VSIR: variants seen among roughly 807,000 people sequenced by gnomAD.
The protein encoded by VSIR is V-type immunoglobulin domain-containing suppressor of T-cell activation.
In VSIR, 10 loss-of-function variants were observed where a neutral mutation model predicts 31.0. The observed-to-expected ratio is 0.32, with a 90% CI of 0.20 to 0.55. VSIR has a LOEUF of 0.55. Ranked by LOEUF, VSIR falls within the 20% of genes least tolerant of loss-of-function variation. VSIR has a pLI of 0.93. For synonymous variants in VSIR, 179 were observed against 180.1 expected (o/e 0.99, Z 0.05); for missense variants, 356 against 416.2 (o/e 0.86, Z 1.26).
Position 71,751,892 on chromosome 10 carries a change from G to T in VSIR, c.705-31C>A. 6.5e-7 allele frequency: 1 copy of T among 1,542,848 alleles called. No individual in the cohort carries two copies. Among genetic ancestry groups the T allele is most frequent in the Non-Finnish European group, 8.8e-7 (1 of 1,142,026 alleles). On this transcript the variant is annotated intron_variant, in intron 5 of 6. Coordinates refer to ENST00000394957, the MANE Select transcript of VSIR (RefSeq NM_022153.2). The surrounding 1 kb of genome is among the most constrained non-coding windows in gnomAD (Gnocchi z 4.9). ...ACAGAACCAGAATGGAAGGTCATCT[G>T]TGCTGTCCGGAGCGTGAACTCTGCC...
intron 4 of VSIR, chr10:71,755,038 C>A (rs1323636685): frequency 3.9e-6 from 2 of 514,690 alleles, no homozygotes. Flanking sequence ...CCCCAAGGAT[C>A]TCTGAGTGGC....
chr10:71,772,992 A>G (rs926595681), intron 1 of VSIR, among the ~76,000 whole-genome samples: 9 of 152,222 alleles, frequency 5.9e-5, no homozygotes, highest in African/African-American at 2.2e-4. Flanking sequence ...GTCAAAAGCC[A>G]GTGATATCCA....
intron 3 of VSIR, among the ~76,000 whole-genome samples, chr10:71,758,209 A>G (rs1445014035): frequency 6.6e-6 from 1 of 152,132 alleles, no homozygotes; most frequent in East Asian, 1.9e-4. Flanking sequence ...TGGTTTGAAA[A>G]AAGGGTAGCT....
In VSIR at chr10:71,759,886, TATACACACACAC is replaced by T. The variant is rs369554648; in HGVS notation, c.568+970_568+981del. 2.2e-3 allele frequency among the ~76,000 whole-genome samples: 129 copies of T among 58,608 alleles called. 2 individuals are homozygous for T. Among genetic ancestry groups the T allele is most frequent in the East Asian group, 3.2e-3 (7 of 2,188 alleles). 38.4% of individuals were successfully genotyped at this position (58,608 alleles called of 152,430 possible). A position where few individuals can be genotyped will look rare whatever the true frequency, so the allele number is the denominator to read the frequency against. Reference sequence around the variant, plus strand: ...ACACATATATATACACACACACACATATACACACACACATATATACACACACACATATATACA... The same window carrying T: ...ACACATATATATACACACACACACATATATATACACACACACATATATACA... On this transcript the variant is annotated intron_variant, in intron 3 of 6. Transcript: ENST00000394957.
rs1355000801 is a variant in VSIR at position 71,760,108 on chromosome 10, T to C, written c.568+760A>G. 9.1e-5 allele frequency among the ~76,000 whole-genome samples: 11 copies of C among 120,250 alleles called. 3 individuals carry two copies. The highest frequency in any genetic ancestry group is 2.5e-4 in the African/African-American group (9 of 35,656). The allele number at this position is 120,250 out of a possible 152,430, so 78.9% of individuals were successfully genotyped here. A position where few individuals can be genotyped will look rare whatever the true frequency, so the allele number is the denominator to read the frequency against. The stretch of plus-strand genomic sequence containing the variant: ...ACACACATATACACACACACATACA[T>C]ACATATATGTGTGTATATATATGTA... On this transcript the variant is annotated intron_variant, in intron 3 of 6. Coordinates refer to ENST00000394957, the MANE Select transcript of VSIR (RefSeq NM_022153.2).
intron 1 of VSIR, among the ~76,000 whole-genome samples, chr10:71,773,126 C>G (rs1840725043): frequency 6.6e-6 from 1 of 152,232 alleles, no homozygotes; most frequent in Non-Finnish European, 1.5e-5. Flanking sequence ...CTGCCTGCCA[C>G]TTGGGCAGCT....
chr10:71,757,937 G>C (rs116520091), intron 3 of VSIR, among the ~76,000 whole-genome samples: 3,135 of 152,238 alleles, frequency 0.021, 122 homozygotes, highest in African/African-American at 0.071. Context: ...AGCTCCTTGG[G>C]CACCAACTTC....
At position 71,753,015 on chromosome 10, in the gene VSIR, A is replaced by T; in HGVS notation, c.677-13T>A. On this transcript the variant is annotated splice_polypyrimidine_tract_variant and intron_variant, in intron 4 of 6. Coordinates refer to ENST00000394957, the MANE Select transcript of VSIR (RefSeq NM_022153.2). The stretch of plus-strand genomic sequence containing the variant: ...AGCTCCTGGGCACCTAGGGACAGAC[A>T]GACAGAGAAGCTGGTCATGGAAGGG... 6.2e-7 allele frequency: 1 copy of T among 1,612,270 alleles called. No individual in the cohort carries two copies. The highest frequency in any genetic ancestry group is 8.5e-7 in the Non-Finnish European group (1 of 1,179,016).
intron 3 of VSIR, among the ~76,000 whole-genome samples, chr10:71,759,836 C>T (rs1840255661): frequency 1.4e-5 from 1 of 71,332 alleles, no homozygotes; most frequent in East Asian, 3.7e-4. Context: ...CACACACACA[C>T]ACACACACAC....
Position 71,760,898 on chromosome 10 carries a change from C to A in VSIR, c.538G>T (p.Val180Leu), listed in dbSNP as rs1158994709. Residue 180 changes from valine (V) to leucine (L), a missense_variant, in exon 3 of 7, where the codon GTG (valine) becomes TTG (leucine). This residue lies in a region of VSIR where 190 missense variants were observed against 185.2 expected (regional missense o/e 1.03). Coordinates refer to ENST00000394957, the MANE Select transcript of VSIR (RefSeq NM_022153.2). Reference protein sequence around the residue: ...TGKDAPSNCVVYPSSSQDSEN... With the variant: ...TGKDAPSNCVLYPSSSQDSEN... The stretch of plus-strand genomic sequence containing the variant: ...CTATCCTGGGAGGAGGATGGGTACA[C>A]CACACAGTTGGATGGTGCATCTTTG... 5 of 1,613,682 alleles carry A rather than the reference C, an allele frequency of 3.1e-6. No homozygotes were observed. Among genetic ancestry groups the A allele is most frequent in the Non-Finnish European group, 4.2e-6 (5 of 1,179,746 alleles).
At chr10:71,769,737 G>A (rs566342712) in intron 1 of VSIR, among the ~76,000 whole-genome samples, 4 of 152,316 alleles carry the variant, frequency 2.6e-5, no homozygotes, top group African/African-American at 7.2e-5. Flanking sequence ...AAGATCCTAC[G>A]CAGAAAGGCT....
intron 1 of VSIR, among the ~76,000 whole-genome samples, chr10:71,765,781 G>GA (rs1176225453): frequency 6.6e-6 from 1 of 152,018 alleles, no homozygotes; most frequent in African/African-American, 2.4e-5. Context: ...TCCCCTTTTA[G>GA]AAAAAAGCTG....
chr10:71,760,789 G>A, intron 3 of VSIR, 79 bp downstream of exon 3: 5 of 1,410,482 alleles, frequency 3.5e-6, no homozygotes, highest in Non-Finnish European at 2.0e-6. Flanking sequence ...TGAGGCCAGA[G>A]TTCCAAACAG....
chr10:71,762,426 G>T lies in VSIR; in HGVS notation c.83-400C>A, dbSNP rs558252874. Among the ~76,000 whole-genome samples, 7 of 152,378 alleles carry T rather than the reference G, an allele frequency of 4.6e-5. No homozygotes were observed. The East Asian group carries it at 1.3e-3, about 29-fold the overall frequency. ...CTCTGTAGGGGCCATCAACACCTCT[G>T]CCCCTTCCTACTCCTAGGACTGAAC... On this transcript the variant is annotated intron_variant, in intron 1 of 6. Transcript: ENST00000394957.
chr10:71,752,878 C>T, intron 5 of VSIR, 97 bp downstream of exon 5: 1 of 1,432,638 alleles, frequency 7.0e-7, no homozygotes, highest in Non-Finnish European at 9.6e-7. Flanking sequence ...TGACCAGCTG[C>T]TCTAGGCAGC....
chr10:71,751,325 C>T lies in VSIR; in HGVS notation c.899-35G>A, dbSNP rs762021454. 1.9e-6 allele frequency: 3 copies of T among 1,598,886 alleles called. No homozygotes were observed. Among genetic ancestry groups the T allele is most frequent in the South Asian group, 1.1e-5 (1 of 89,068 alleles). On this transcript the variant is annotated intron_variant, in intron 6 of 6. Coordinates refer to ENST00000394957, the MANE Select transcript of VSIR (RefSeq NM_022153.2). The surrounding 1 kb of genome is among the most constrained non-coding windows in gnomAD (Gnocchi z 4.9). ...AAGGAGAAGCAAAGTGAACGGGGCCCCTCTGCCCCTCACCCTCAACCCCAC... is the reference window on the plus strand; with the variant it reads ...AAGGAGAAGCAAAGTGAACGGGGCCTCTCTGCCCCTCACCCTCAACCCCAC...
intron 5 of VSIR, 180 bp from the exon 6 acceptor site, chr10:71,752,041 C>T (rs779383749): frequency 6.1e-5 from 45 of 742,020 alleles, no homozygotes; most frequent in Non-Finnish European, 9.9e-5. Context: ...ATGGGCTGCA[C>T]CTGCCCACCT....
In VSIR at chr10:71,765,014, A is replaced by C. The variant is rs575542802; in HGVS notation, c.83-2988T>G. On this transcript the variant is annotated intron_variant, in intron 1 of 6. Coordinates refer to ENST00000394957, the MANE Select transcript of VSIR (RefSeq NM_022153.2). ...GGCCTGGACTTCCCCTTCACACCTGAGTGGGGTGGGTGTAGCTGCAAAACT... is the reference window on the plus strand; with the variant it reads ...GGCCTGGACTTCCCCTTCACACCTGCGTGGGGTGGGTGTAGCTGCAAAACT... Among the ~76,000 whole-genome samples, 6 of 152,256 alleles carry C rather than the reference A, an allele frequency of 3.9e-5. No homozygotes were observed. The South Asian group carries it at 1.2e-3, about 32-fold the overall frequency.
intron 1 of VSIR, among the ~76,000 whole-genome samples, chr10:71,766,473 G>A (rs753177314): frequency 3.9e-5 from 6 of 152,160 alleles, no homozygotes; most frequent in South Asian, 2.1e-4. Context: ...GGATTGCAAC[G>A]TCCTGGGGCC....
Sources: allele counts gnomAD v4.1 joint callset (sites outside exome capture counted in the v4.1 genomes callset), GRCh38; gene constraint gnomAD v4.1.1; regional missense constraint gnomAD v4.1.1; non-coding constraint Gnocchi (gnomAD v3.1); transcripts MANE v1.5; gene names NCBI Gene and HGNC (gene_info 2026-07-23, HGNC 2026-07-21).